SCAPER: variants seen among roughly 807,000 people sequenced by gnomAD.
SCAPER encodes the protein S-phase cyclin A associated protein in the ER.
A neutral mutation model predicts 182.2 loss-of-function variants in SCAPER; 98 were observed. That is an observed-to-expected ratio of 0.54 (90% CI 0.46 to 0.64). SCAPER has a LOEUF of 0.64. Among genes scored for constraint, SCAPER ranks in the 30% least tolerant of loss-of-function variants. The probability of loss-of-function intolerance (pLI) is 0.00; values close to 1 mark genes in which losing one functional copy is unlikely to be tolerated. For missense variants in SCAPER, 1,432 were observed against 1,690.0 expected (o/e 0.85, Z 2.68); for synonymous variants, 605 against 564.6 (o/e 1.07, Z -1.01).
chr15:76,349,205 A>C (rs1372973252), intron 31 of SCAPER: 2 of 152,268 alleles, frequency 1.3e-5, no homozygotes, highest in Non-Finnish European at 2.9e-5. Context: ...CTCAAAAAAA[A>C]CAAAAAACAA....
At chr15:76,350,344 C>T (rs1216281325) in intron 31 of SCAPER, 1 of 149,272 alleles carries the variant, frequency 6.7e-6, no homozygotes, top group African/African-American at 2.5e-5. Context: ...CACTTTTCAA[C>T]ACCTGTCCAC....
chr15:76,685,804 A>C (rs968861500), intron 20 of SCAPER, among the ~76,000 whole-genome samples: 24 of 152,110 alleles, frequency 1.6e-4, no homozygotes, highest in South Asian at 6.2e-4. Flanking sequence ...ATGATAATGG[A>C]GCAGACAAAC....
chr15:76,588,836 G>C (rs2048888752), intron 22 of SCAPER, among the ~76,000 whole-genome samples: 2 of 152,126 alleles, frequency 1.3e-5, no homozygotes. Flanking sequence ...CATATTACCA[G>C]AATTGTTTTT....
chr15:76,825,742 T>C (rs1027001606), intron 5 of SCAPER, among the ~76,000 whole-genome samples: 3 of 152,138 alleles, frequency 2.0e-5, no homozygotes, highest in Admixed American at 6.5e-5. Flanking sequence ...AGATCTGTTT[T>C]TTCTTTTGTT....
intron 21 of SCAPER, among the ~76,000 whole-genome samples, chr15:76,665,239 C>T (rs2146755707): frequency 6.6e-6 from 1 of 152,208 alleles, no homozygotes. Context: ...TGACAGGCAA[C>T]CAAATTGATT....
chr15:76,446,333 A>C (rs1363197271), intron 25 of SCAPER, among the ~76,000 whole-genome samples: 7 of 152,200 alleles, frequency 4.6e-5, no homozygotes, highest in African/African-American at 1.7e-4. Context: ...AAGTTTTATT[A>C]CTATTTCCAG....
chr15:76,526,031 G>T (rs2043171960), intron 23 of SCAPER, among the ~76,000 whole-genome samples: 1 of 151,960 alleles, frequency 6.6e-6, no homozygotes, highest in Non-Finnish European at 1.5e-5. Flanking sequence ...GTGGTTTTTT[G>T]ACTTAAAAAA....
chr15:76,861,085 A>G (rs1208497734), intron 3 of SCAPER, among the ~76,000 whole-genome samples: 1 of 152,228 alleles, frequency 6.6e-6, no homozygotes, highest in Non-Finnish European at 1.5e-5. Flanking sequence ...GCTCTTCCTT[A>G]TATTAGAAGG....
chr15:76,483,948 A>C (rs908603539), intron 24 of SCAPER, among the ~76,000 whole-genome samples: 1 of 152,188 alleles, frequency 6.6e-6, no homozygotes, highest in Non-Finnish European at 1.5e-5. Flanking sequence ...TTCTTTATAA[A>C]GCTAAACATA....
chr15:76,686,973 AAAAAT>A (rs2058071105), intron 20 of SCAPER, among the ~76,000 whole-genome samples: 1 of 152,162 alleles, frequency 6.6e-6, no homozygotes, highest in African/African-American at 2.4e-5. Context: ...AATACCAGAC[AAAAAT>A]AATATTCAAG....
chr15:76,745,547 T>G (rs762214620), intron 15 of SCAPER, among the ~76,000 whole-genome samples: 8 of 152,148 alleles, frequency 5.3e-5, no homozygotes, highest in African/African-American at 7.2e-5. Context: ...AACCTGCACA[T>G]GTACCCCATG....
At chr15:76,376,616 A>G (rs2042588891) in intron 28 of SCAPER, among the ~76,000 whole-genome samples, 1 of 152,214 alleles carries the variant, frequency 6.6e-6, no homozygotes, top group African/African-American at 2.4e-5. Context: ...TTTCTCATAT[A>G]CAAATATTCT....
Position 76,376,305 on chromosome 15 carries a change from C to T in SCAPER, c.3712G>A (p.Val1238Ile). 1 of 1,611,308 alleles carries T rather than the reference C, an allele frequency of 6.2e-7. No homozygotes were observed. Among genetic ancestry groups the T allele is most frequent in the Non-Finnish European group, 8.5e-7 (1 of 1,178,500 alleles). The change falls in exon 29 of 32, where the codon GTA (valine) becomes ATA (isoleucine). Residue 1238 changes from valine to isoleucine, a missense_variant. Around this residue, in one of 5 missense-constraint regions of SCAPER, gnomAD observed 718 missense variants for 799.7 expected, o/e 0.90. Coordinates refer to ENST00000563290, the MANE Select transcript of SCAPER (RefSeq NM_020843.4). ...ALHLPAFQSI[V>I]GAEGLSLAFR... is the part of the protein sequence containing the mutation. ...GCAAGGGACAAGCCCTCTGCCCCTA[C>T]AATAGACTGACAAAGACAAGGAGCA... is the stretch of plus-strand genomic sequence containing the variant.
chr15:76,504,734 T>G, intron 24 of SCAPER, 125 bp downstream of exon 24: 1 of 670,882 alleles, frequency 1.5e-6, no homozygotes. Flanking sequence ...TAATGGGGAG[T>G]GTAAGATTTT....
chr15:76,518,693 C>T (rs1421500381), intron 23 of SCAPER, among the ~76,000 whole-genome samples: 3 of 152,160 alleles, frequency 2.0e-5, no homozygotes, highest in African/African-American at 7.2e-5. Flanking sequence ...ACACAAAATG[C>T]AGTGCAGCAA....
chr15:76,773,866 TA>T (rs879436004), intron 9 of SCAPER, among the ~76,000 whole-genome samples: 3 of 151,408 alleles, frequency 2.0e-5, no homozygotes, highest in Non-Finnish European at 4.4e-5. Context: ...GTATGATATT[TA>T]AAAAAAAGCT....
intron 23 of SCAPER, among the ~76,000 whole-genome samples, chr15:76,550,440 C>T (rs571521599): frequency 8.2e-4 from 125 of 152,228 alleles, no homozygotes; most frequent in African/African-American, 2.8e-3. Flanking sequence ...TGAGAACATG[C>T]GGTGTTTGGT....
chr15:76,539,549 T>TC (rs1398114247), intron 23 of SCAPER, among the ~76,000 whole-genome samples: 3 of 147,362 alleles, frequency 2.0e-5, no homozygotes, highest in East Asian at 1.9e-4. Context: ...AAATTTCTTT[T>TC]TTTTTTTTTT....
chr15:76,806,058 C>T (rs1178272513), intron 5 of SCAPER, among the ~76,000 whole-genome samples: 1 of 152,136 alleles, frequency 6.6e-6, no homozygotes, highest in East Asian at 1.9e-4. Context: ...TATCCTTTGA[C>T]ACACACAAGT....
Sources: allele counts gnomAD v4.1 joint callset (sites outside exome capture counted in the v4.1 genomes callset), GRCh38; gene constraint gnomAD v4.1.1; regional missense constraint gnomAD v4.1.1; transcripts MANE v1.5; gene names NCBI Gene and HGNC (gene_info 2026-07-23, HGNC 2026-07-21).